Variants in TRIM37 observed in about 807,000 individuals in gnomAD.
TRIM37 encodes the protein E3 ubiquitin-protein ligase TRIM37.
Under a neutral mutation model 129.8 loss-of-function variants are expected in TRIM37, and 80 were observed. The ratio of observed to expected loss-of-function variants is 0.62; its 90% confidence interval spans 0.51 to 0.74. The LOEUF (loss-of-function observed/expected upper bound fraction) is 0.74, where lower values mean the gene tolerates loss of function less well. Among genes scored for constraint, TRIM37 ranks in the 30% least tolerant of loss-of-function variants. TRIM37 has a pLI of 0.00. For synonymous variants in TRIM37, 389 were observed against 387.1 expected (o/e 1.00, Z -0.06); for missense variants, 1,054 against 1,176.5 (o/e 0.90, Z 1.52).
rs1293929451 is a variant in TRIM37, at chr17:59,064,176, C to T, written c.860+179G>A. The stretch of plus-strand genomic sequence containing the variant: ...TTCCCAGACTAGAGAAGCAGTCAGT[C>T]TAAAGATACAATATAATCCAGCACA... On this transcript the variant is annotated intron_variant, in intron 10 of 23. Coordinates refer to ENST00000262294, the MANE Select transcript of TRIM37 (RefSeq NM_015294.6). 15 of 603,698 alleles carry T rather than the reference C, an allele frequency of 2.5e-5. 1 individual carries two copies. The South Asian group carries it at 3.2e-4, about 13-fold the overall frequency. 37.4% of individuals were successfully genotyped at this position (603,698 alleles called of 1,614,324 possible). A position where few individuals can be genotyped will look rare whatever the true frequency, so the allele number is the denominator to read the frequency against.
At chr17:59,066,219 A>G (rs1210275247) in intron 9 of TRIM37, among the ~76,000 whole-genome samples, 1 of 152,204 alleles carries the variant, frequency 6.6e-6, no homozygotes, top group Non-Finnish European at 1.5e-5. Context: ...ACCTAGTAAG[A>G]GCTCTAAGGG....
intron 2 of TRIM37, among the ~76,000 whole-genome samples, chr17:59,101,695 TACACACAC>T (rs927750157): frequency 4.5e-5 from 4 of 89,670 alleles, no homozygotes; most frequent in African/African-American, 1.3e-4. Flanking sequence ...TATATATATA[TACACACAC>T]ACACACACAC....
intron 17 of TRIM37, among the ~76,000 whole-genome samples, chr17:59,037,227 G>A (rs996447290): frequency 1.3e-5 from 2 of 152,008 alleles, no homozygotes; most frequent in African/African-American, 4.8e-5. Context: ...TCTGCCCAGT[G>A]TCACCCCGAT....
rs538220610 is a variant in TRIM37, at chr17:58,990,562, G to T, written c.2892-7641C>A. ...AATCCCAGCACTTTGGGAGGCTGAG[G>T]CAGGTGGATCACAAGGTCAGGAGTT... On this transcript the variant is annotated intron_variant, in intron 24 of 24. Transcript: ENST00000393066. 5.3e-5 allele frequency among the ~76,000 whole-genome samples: 8 copies of T among 151,792 alleles called. No individual in the cohort carries two copies. In the South Asian group the frequency reaches 1.7e-3, roughly 32 times the overall value.
intron 8 of TRIM37, chr17:59,072,947 G>A (rs942431281): frequency 2.6e-5 from 4 of 152,084 alleles, no homozygotes; most frequent in Admixed American, 1.3e-4. Context: ...AGGCATTACG[G>A]TTTTTTGAAC....
intron 15 of TRIM37, 69 bp from the exon 16 acceptor site, chr17:59,047,888 C>A: frequency 6.4e-7 from 1 of 1,572,232 alleles, no homozygotes; most frequent in South Asian, 1.1e-5. Flanking sequence ...CCCCATCCAG[C>A]CCATAAACCA....
chr17:59,091,505 CAT>C (rs1328942981), intron 2 of TRIM37, among the ~76,000 whole-genome samples, 165 bp from the exon 3 acceptor site: 2 of 94,798 alleles, frequency 2.1e-5, no homozygotes, highest in East Asian at 4.8e-4. Flanking sequence ...TATTATATAA[CAT>C]ATCATATATA....
At chr17:58,975,021 T>C in the TRIM37 span, among the ~76,000 whole-genome samples, 1 of 152,212 alleles carries the variant, frequency 6.6e-6, no homozygotes, top group Non-Finnish European at 1.5e-5. Context: ...ATTATTATTA[T>C]TATTATTGGT....
chr17:59,060,767 T>C (rs780293840), intron 12 of TRIM37, among the ~76,000 whole-genome samples: 13 of 152,132 alleles, frequency 8.5e-5, no homozygotes, highest in Non-Finnish European at 1.8e-4. Context: ...TTTAAAAAAA[T>C]TGAATATAAA....
intron 7 of TRIM37, among the ~76,000 whole-genome samples, chr17:59,078,865 A>G (rs974400778): frequency 1.3e-5 from 2 of 152,170 alleles, no homozygotes; most frequent in African/African-American, 2.4e-5. Flanking sequence ...TGTGGGAAAA[A>G]AACTAAAAAT....
intron 4 of TRIM37, among the ~76,000 whole-genome samples, chr17:59,085,326 CA>C (rs569276825): frequency 1.0e-4 from 14 of 139,340 alleles, no homozygotes; most frequent in East Asian, 4.1e-4. Flanking sequence ...GACTCTGCCT[CA>C]AAAAAAAAAG....
intron 16 of TRIM37, among the ~76,000 whole-genome samples, chr17:59,047,278 T>C (rs934535714): frequency 2.2e-4 from 34 of 152,192 alleles, no homozygotes; most frequent in Non-Finnish European, 4.0e-4. Flanking sequence ...CAGTATTACA[T>C]CAATGTTAAT....
In TRIM37 at chr17:59,091,366, G is replaced by A. The variant is rs754116228; in HGVS notation, c.124-26C>T. ...CTAAGGGGGCAAAAGATTAGATATC[G>A]ATTAGAAAACATCATTACTATATAT... On this transcript the variant is annotated intron_variant, in intron 2 of 23. Coordinates refer to ENST00000262294, the MANE Select transcript of TRIM37 (RefSeq NM_015294.6). 110 of 1,465,378 alleles carry A rather than the reference G, an allele frequency of 7.5e-5. 2 individuals carry two copies. The highest frequency in any genetic ancestry group is 7.2e-4 in the South Asian group (58 of 80,034). 90.8% of individuals were successfully genotyped at this position (1,465,378 alleles called of 1,614,324 possible). A position where few individuals can be genotyped will look rare whatever the true frequency, so the allele number is the denominator to read the frequency against.
intron 15 of TRIM37, among the ~76,000 whole-genome samples, chr17:59,048,949 T>G (rs574064515): frequency 1.3e-5 from 2 of 152,362 alleles, no homozygotes; most frequent in South Asian, 2.1e-4. Context: ...TTAAAATGTG[T>G]ATCACGGTTT....
intron 17 of TRIM37, among the ~76,000 whole-genome samples, chr17:59,039,209 T>C (rs2038878811): frequency 6.6e-6 from 1 of 152,196 alleles, no homozygotes; most frequent in Non-Finnish European, 1.5e-5. Context: ...TCACAGCTCC[T>C]CCTATAGCCT....
chr17:59,034,048 A>G (rs893074108), intron 17 of TRIM37, among the ~76,000 whole-genome samples: 12 of 151,594 alleles, frequency 7.9e-5, no homozygotes, highest in African/African-American at 2.7e-4. Flanking sequence ...CAGAGGTTAC[A>G]GTGAGCCAAG....
chr17:58,970,876 C>T, the TRIM37 span, among the ~76,000 whole-genome samples: 6 of 151,926 alleles, frequency 3.9e-5, no homozygotes, highest in South Asian at 2.1e-4. Flanking sequence ...AGAGGTGACC[C>T]GTAATCATCA....
At chr17:59,020,690 C>T (rs760968966) in intron 19 of TRIM37, among the ~76,000 whole-genome samples, 1 of 151,986 alleles carries the variant, frequency 6.6e-6, no homozygotes, top group South Asian at 2.1e-4. Context: ...TCTTAAAAGA[C>T]GACACACAAA....
rs1264304307 is a variant in TRIM37, at chr17:59,001,679, C to T, written c.2731G>A (p.Glu911Lys). The T allele has an allele frequency of 6.2e-7, 1 of 1,614,030 alleles. No individual in the cohort carries two copies. The highest frequency in any genetic ancestry group is 1.7e-5 in the Admixed American group (1 of 60,006). The change falls in exon 23 of 24, where the codon GAG (glutamate) becomes AAG (lysine). Residue 911 changes from glutamate (E) to lysine (K), a missense_variant. Coordinates refer to ENST00000262294, the MANE Select transcript of TRIM37 (RefSeq NM_015294.6). ...GTATGCTCTTCCTGCTCCTCATTCT[C>T]AGTGTCACATTCAATGTCACTGTCG... ...SSDSDIECDTENEEQEEHTSV... is the reference protein window; with the variant it reads ...SSDSDIECDTKNEEQEEHTSV...
Sources: gnomAD v4.1 joint callset for allele counts (sites outside exome capture counted in the v4.1 genomes callset) on GRCh38, gnomAD v4.1.1 for gene constraint, MANE v1.5 for transcripts, NCBI Gene and HGNC (gene_info 2026-07-23, HGNC 2026-07-21) for gene names.